The following ZNF782 variants were observed in gnomAD, a reference collection of about 807,000 sequenced individuals.
ZNF782 encodes zinc finger protein 782.
A neutral mutation model predicts 13.0 loss-of-function variants in ZNF782; 12 were observed. That is an observed-to-expected ratio of 0.92 (90% CI 0.59 to 1.50). ZNF782 has a LOEUF of 1.50. Ranked by LOEUF, ZNF782 falls within the 40% of genes most tolerant of loss-of-function variation. The probability of loss-of-function intolerance (pLI) is 0.00; values close to 1 mark genes in which losing one functional copy is unlikely to be tolerated. For missense variants in ZNF782, 770 were observed against 822.9 expected (o/e 0.94, Z 0.79); for synonymous variants, 284 against 283.0 (o/e 1.00, Z -0.04).
At chr9:96,889,176 A>G in the ZNF782 span, 1 of 151,980 alleles carries the variant, frequency 6.6e-6, no homozygotes, top group African/African-American at 2.4e-5. Flanking sequence ...TCATAAGCCC[A>G]CTCCCTTCAC....
intron 1 of ZNF782, among the ~76,000 whole-genome samples, chr9:96,874,112 T>TA (rs1248962865): frequency 6.6e-6 from 1 of 152,146 alleles, no homozygotes; most frequent in East Asian, 1.9e-4. Flanking sequence ...GAAAAGACAA[T>TA]AGATCACTAC....
At chr9:96,933,274 G>A in the ZNF782 span, among the ~76,000 whole-genome samples, 3 of 150,818 alleles carry the variant, frequency 2.0e-5, no homozygotes, top group Middle Eastern at 3.3e-3. Context: ...CACCGTGCCC[G>A]GCTTTTACTT....
intron 3 of ZNF782, among the ~76,000 whole-genome samples, chr9:96,845,902 G>A (rs891029484): frequency 1.3e-5 from 2 of 152,198 alleles, no homozygotes; most frequent in African/African-American, 4.8e-5. Flanking sequence ...ATAGTCATCA[G>A]GCTGTCTAAA....
At chr9:96,877,556 G>C (rs891103780), upstream of ZNF782, among the ~76,000 whole-genome samples, 1 of 152,252 alleles carries the variant, frequency 6.6e-6, no homozygotes, top group African/African-American at 2.4e-5. Flanking sequence ...CCAAGACTGG[G>C]GGCTTCCCCA....
chr9:96,818,750 C>A lies in ZNF782; in HGVS notation c.1273G>T (p.Asp425Tyr). 6.2e-7 allele frequency: 1 copy of A among 1,613,730 alleles called. No homozygotes were observed. The highest frequency in any genetic ancestry group is 1.1e-5 in the South Asian group (1 of 91,046). Residue 425 changes from aspartate to tyrosine, a missense_variant, in exon 6 of 6, where the codon GAT becomes TAT. Coordinates refer to ENST00000481138, the MANE Select transcript of ZNF782 (RefSeq NM_001001662.3). ...THTGEKPYKCDGCDKAFSAKS... is the reference protein window; with the variant it reads ...THTGEKPYKCYGCDKAFSAKS... ...GCACTGAAAGCTTTATCACATCCAT[C>A]ACATTTGTATGGTTTCTCTCCCGTG...
Position 96,850,053 on chromosome 9 carries a change from G to A in ZNF782, c.15+1894C>T, listed in dbSNP as rs1851445899. 1.3e-5 allele frequency among the ~76,000 whole-genome samples: 2 copies of A among 152,190 alleles called. No homozygotes were observed. The highest frequency in any genetic ancestry group is 4.8e-5 in the African/African-American group (2 of 41,436). On this transcript the variant is annotated intron_variant, in intron 3 of 5. Transcript: ENST00000481138. The surrounding 1 kb of genome is among the most constrained non-coding windows in gnomAD (Gnocchi z 4.3). ...GAAGAAAAGGGAATGCTTATACGCT[G>A]CTGGTAGGAATGTAAATTAGGACAA... is the stretch of plus-strand genomic sequence containing the variant.
intron 5 of ZNF782, among the ~76,000 whole-genome samples, chr9:96,825,479 T>C (rs1482127172): frequency 1.3e-5 from 2 of 152,012 alleles, no homozygotes; most frequent in Non-Finnish European, 2.9e-5. Context: ...GCATTACCAT[T>C]CAGGACATAG....
At chr9:96,912,767 T>C in the ZNF782 span, among the ~76,000 whole-genome samples, 7 of 151,250 alleles carry the variant, frequency 4.6e-5, no homozygotes, top group Non-Finnish European at 8.9e-5. Context: ...GACCTCATGA[T>C]CTGCCCACCT....
rs1850269350 is a variant in ZNF782 at position 96,818,585 on chromosome 9, A to G, written c.1438T>C (p.Cys480Arg). 2.5e-6 allele frequency: 4 copies of G among 1,613,840 alleles called. No individual in the cohort carries two copies. The highest frequency in any genetic ancestry group is 2.5e-6 in the Non-Finnish European group (3 of 1,179,946). ...RTHTGEKPFE[C>R]NECGKSFSHM... The stretch of plus-strand genomic sequence containing the variant: ...CTGAAAGATTTCCCGCATTCATTAC[A>G]TTCAAAAGGTTTCTCCCCTGTGTGA... Residue 480 changes from cysteine to arginine, a missense_variant, in exon 6 of 6, where the codon TGT becomes CGT. Physicochemically the swap from Cys to Arg is radical, Grantham distance 180 (BLOSUM62 -3). Coordinates refer to ENST00000481138, the MANE Select transcript of ZNF782 (RefSeq NM_001001662.3).
chr9:96,875,540 C>A, exon 1 of ZNF782: 1 of 456,774 alleles, frequency 2.2e-6, no homozygotes, highest in Non-Finnish European at 4.4e-6. Context: ...ACACAGCGCC[C>A]ACGAGTTCTG....
At chr9:96,932,938 C>T in the ZNF782 span, among the ~76,000 whole-genome samples, 2 of 151,196 alleles carry the variant, frequency 1.3e-5, no homozygotes, top group African/African-American at 4.9e-5. Flanking sequence ...CATGAGCCAT[C>T]ATGCCCCGCC....
chr9:96,912,058 G>A, the ZNF782 span, among the ~76,000 whole-genome samples: 2 of 151,070 alleles, frequency 1.3e-5, no homozygotes, highest in Admixed American at 6.6e-5. Context: ...AAAATCAGCC[G>A]GGCGTGGTGG....
chr9:96,854,613 C>T (rs185753390), upstream of ZNF782: 2 of 152,384 alleles, frequency 1.3e-5, no homozygotes, highest in East Asian at 3.9e-4. Flanking sequence ...GCTCTTGCGT[C>T]CGCCTTCGAC....
Position 96,827,164 on chromosome 9 carries a change from GTT to G in ZNF782, c.158_159del (p.Lys53ThrfsTer34). On this transcript the variant is annotated frameshift_variant, in exon 5 of 6. Transcript: ENST00000481138. LOFTEE classifies it high-confidence loss of function. ...HLVSVGYCFT[K>X]PELIFTLEQG... ...TGTTCCAATGTGAAGATCAGTTCTG[GTT>G]TTGTAAAGCAGTAGCCTATAAATGG... 6.2e-7 allele frequency: 1 copy of G among 1,610,616 alleles called. No homozygotes were observed. Among genetic ancestry groups the G allele is most frequent in the East Asian group, 2.2e-5 (1 of 44,806 alleles).
At chr9:96,930,871 G>GTTTTTTTTTTTT in the ZNF782 span, among the ~76,000 whole-genome samples, 1 of 104,404 alleles carries the variant, frequency 9.6e-6, no homozygotes, top group African/African-American at 3.7e-5. Flanking sequence ...TCCATCCAGT[G>GTTTTTTTTTTTT]GTTTTTTTTT....
At chr9:96,903,936 T>C in the ZNF782 span, among the ~76,000 whole-genome samples, 8 of 151,932 alleles carry the variant, frequency 5.3e-5, no homozygotes, top group Non-Finnish European at 1.2e-4. Context: ...TGTTTAACTT[T>C]ATAAAAGGCT....
upstream of ZNF782, among the ~76,000 whole-genome samples, chr9:96,855,079 G>C (rs1851622504): frequency 6.6e-6 from 1 of 152,224 alleles, no homozygotes; most frequent in East Asian, 1.9e-4. Flanking sequence ...GCCCCCAGGC[G>C]TGAGGGTTCT....
At chr9:96,828,149 T>C (rs1182707758) in intron 4 of ZNF782, among the ~76,000 whole-genome samples, 1 of 152,144 alleles carries the variant, frequency 6.6e-6, no homozygotes, top group Non-Finnish European at 1.5e-5. Flanking sequence ...TGAAAAAGAA[T>C]AGGCTGAAAA....
Position 96,854,465 on chromosome 9 carries a change from C to T in ZNF782, c.-639G>A, listed in dbSNP as rs944034307. On this transcript the variant is annotated 5_prime_UTR_variant, in exon 1 of 6. Transcript: ENST00000481138. ...TTTCCGAGCCGACCCCCGAGCTTCC[C>T]AAACCGCTTCCCGGGAGTCTCGAGA... 6.6e-6 allele frequency: 1 copy of T among 152,436 alleles called. No individual in the cohort carries two copies. Among genetic ancestry groups the T allele is most frequent in the Middle Eastern group, 3.4e-3 (1 of 294 alleles). The allele number at this position is 152,436 out of a possible 1,614,324, so 9.4% of individuals were successfully genotyped here. A position where few individuals can be genotyped will look rare whatever the true frequency, so the allele number is the denominator to read the frequency against.
Sources: allele counts gnomAD v4.1 joint callset (sites outside exome capture counted in the v4.1 genomes callset), GRCh38; gene constraint gnomAD v4.1.1; non-coding constraint Gnocchi (gnomAD v3.1); transcripts MANE v1.5; gene names NCBI Gene and HGNC (gene_info 2026-07-23, HGNC 2026-07-21).